The following ELAVL2 variants were observed in gnomAD, a reference collection of about 807,000 sequenced individuals.
ELAVL2 encodes ELAV like RNA binding protein 2, also known as ELAV-like protein 2.
ELAVL2 carries 4 observed loss-of-function variants against 34.6 expected under a neutral mutation model. That is an observed-to-expected ratio of 0.12 (90% CI 0.06 to 0.26). The LOEUF (loss-of-function observed/expected upper bound fraction) is 0.26. Among genes scored for constraint, ELAVL2 ranks in the 10% least tolerant of loss-of-function variants. The pLI, the probability that ELAVL2 is intolerant of heterozygous loss-of-function variation, is 1.00. For missense variants in ELAVL2, 432 were observed against 442.8 expected (o/e 0.98, Z 0.22); for synonymous variants, 193 against 154.8 (o/e 1.25, Z -1.83).
At chr9:23,839,125 T>C in the ELAVL2 span, among the ~76,000 whole-genome samples, 1 of 152,150 alleles carries the variant, frequency 6.6e-6, no homozygotes, top group East Asian at 1.9e-4. Context: ...ATTAGATTTA[T>C]GACATTGGTA....
chr9:23,834,934 T>C, the ELAVL2 span, among the ~76,000 whole-genome samples: 1 of 152,056 alleles, frequency 6.6e-6, no homozygotes, highest in Non-Finnish European at 1.5e-5. Context: ...CACAAAAAGC[T>C]CAATGTACTT....
chr9:23,780,764 G>A (rs2136780858), intron 1 of ELAVL2, among the ~76,000 whole-genome samples: 1 of 152,274 alleles, frequency 6.6e-6, no homozygotes, highest in South Asian at 2.1e-4. Flanking sequence ...GAAGATTTTA[G>A]TTCAGCTCTT....
At chr9:23,781,333 A>G (rs1347895234) in intron 1 of ELAVL2, among the ~76,000 whole-genome samples, 1 of 152,112 alleles carries the variant, frequency 6.6e-6, no homozygotes, top group Admixed American at 6.5e-5. Flanking sequence ...ATTCAAATTA[A>G]TGGTCAAAGA....
chr9:23,832,544 T>A, the ELAVL2 span, among the ~76,000 whole-genome samples: 1 of 152,352 alleles, frequency 6.6e-6, no homozygotes, highest in East Asian at 1.9e-4. Flanking sequence ...ACTAATGTCT[T>A]AGTGTTGTAC....
At chr9:23,723,916 C>G (rs191273988) in intron 3 of ELAVL2, among the ~76,000 whole-genome samples, 1 of 152,082 alleles carries the variant, frequency 6.6e-6, no homozygotes, top group Non-Finnish European at 1.5e-5. Context: ...TTTCCTAAAC[C>G]TATACAAGTT....
At chr9:23,786,895 G>C (rs2059760734) in intron 1 of ELAVL2, among the ~76,000 whole-genome samples, 2 of 151,280 alleles carry the variant, frequency 1.3e-5, no homozygotes. Context: ...TCTATTCAAA[G>C]AAGTTCTGAT....
chr9:23,841,019 G>T, the ELAVL2 span, among the ~76,000 whole-genome samples: 2 of 152,094 alleles, frequency 1.3e-5, no homozygotes, highest in African/African-American at 4.8e-5. Context: ...TTTTCCCTGA[G>T]AGTCAATTTT....
intron 1 of ELAVL2, among the ~76,000 whole-genome samples, chr9:23,814,979 T>G (rs1447476799): frequency 6.6e-6 from 1 of 152,126 alleles, no homozygotes; most frequent in East Asian, 1.9e-4. Flanking sequence ...AAACATCCTT[T>G]AAAAGCTGAA....
At chr9:23,842,563 CT>C in the ELAVL2 span, among the ~76,000 whole-genome samples, 1 of 152,040 alleles carries the variant, frequency 6.6e-6, no homozygotes, top group African/African-American at 2.4e-5. Context: ...ATATATATCT[CT>C]TTTTTTCATA....
At chr9:23,818,918 C>T (rs72706955) in intron 1 of ELAVL2, among the ~76,000 whole-genome samples, 25,027 of 152,034 alleles carry the variant, frequency 0.16, 2,358 homozygotes, top group Admixed American at 0.26. Context: ...TGTGCAATGC[C>T]AATAATGCCT....
chr9:23,779,378 C>T lies in ELAVL2; in HGVS notation c.-15-17129G>A, dbSNP rs139600218. On this transcript the variant is annotated intron_variant, in intron 1 of 6. Transcript: ENST00000397312. ...CTTCAAAGGCAAGGGAAGAAAGCAACGCCCTGCCTAAACACTGGCTATTTA... is the reference window on the plus strand; with the variant it reads ...CTTCAAAGGCAAGGGAAGAAAGCAATGCCCTGCCTAAACACTGGCTATTTA... 2.7e-5 allele frequency: 27 copies of T among 985,372 alleles called. No homozygotes were observed. In the East Asian group the frequency reaches 2.3e-3, roughly 83 times the overall value. 61.0% of individuals were successfully genotyped at this position (985,372 alleles called of 1,614,324 possible). A position where few individuals can be genotyped will look rare whatever the true frequency, so the allele number is the denominator to read the frequency against.
intron 4 of ELAVL2, among the ~76,000 whole-genome samples, chr9:23,704,354 T>A (rs1387494570): frequency 6.6e-6 from 1 of 151,822 alleles, no homozygotes; most frequent in Non-Finnish European, 1.5e-5. Flanking sequence ...CATTCAAGAG[T>A]TTTAATGAAC....
At chr9:23,735,413 G>T (rs145420803) in intron 2 of ELAVL2, 29 of 152,178 alleles carry the variant, frequency 1.9e-4, no homozygotes, top group Non-Finnish European at 3.4e-4. Context: ...AAGTAGCTGG[G>T]ATTACAGGCA....
At chr9:23,823,957 C>T (rs1411771287) in intron 1 of ELAVL2, among the ~76,000 whole-genome samples, 1 of 152,086 alleles carries the variant, frequency 6.6e-6, no homozygotes, top group African/African-American at 2.4e-5. Context: ...AATAGGGGTG[C>T]GGAGAACGGC....
intron 3 of ELAVL2, among the ~76,000 whole-genome samples, chr9:23,724,875 T>A (rs1039570635): frequency 6.7e-6 from 1 of 149,074 alleles, no homozygotes; most frequent in South Asian, 2.1e-4. Context: ...ACTTTTTCAA[T>A]TTTTTTTTTG....
chr9:23,792,970 C>G (rs1309123942), intron 1 of ELAVL2, among the ~76,000 whole-genome samples: 1 of 151,940 alleles, frequency 6.6e-6, no homozygotes, highest in East Asian at 1.9e-4. Context: ...GACACAGGGT[C>G]CTCACTATGT....
chr9:23,824,623 T>TCCA (rs1317204274), intron 1 of ELAVL2, among the ~76,000 whole-genome samples: 1 of 152,090 alleles, frequency 6.6e-6, no homozygotes, highest in South Asian at 2.1e-4. Context: ...AGCAGCTTGT[T>TCCA]CCACCACCAC....
chr9:23,697,274 G>C (rs1157564623), intron 5 of ELAVL2, among the ~76,000 whole-genome samples: 2 of 152,146 alleles, frequency 1.3e-5, no homozygotes, highest in Non-Finnish European at 1.5e-5. Context: ...TAAGGAAAGG[G>C]AGAGCCGATT....
At chr9:23,841,730 G>A in the ELAVL2 span, among the ~76,000 whole-genome samples, 26 of 152,102 alleles carry the variant, frequency 1.7e-4, no homozygotes, top group Non-Finnish European at 3.1e-4. Flanking sequence ...TATGTATAAA[G>A]TGAATGATAG....
Sources: allele counts gnomAD v4.1 joint callset (sites outside exome capture counted in the v4.1 genomes callset), GRCh38; gene constraint gnomAD v4.1.1; transcripts MANE v1.5; gene names NCBI Gene and HGNC (gene_info 2026-07-23, HGNC 2026-07-21).